IKZF1: variants seen among roughly 807,000 people sequenced by gnomAD.
IKZF1 encodes the protein DNA-binding protein Ikaros.
A neutral mutation model predicts 51.7 loss-of-function variants in IKZF1; 10 were observed. The ratio of observed to expected loss-of-function variants is 0.19; its 90% CI spans 0.12 to 0.33. The LOEUF is 0.33. Ranked by LOEUF, IKZF1 falls within the 10% of genes least tolerant of loss-of-function variation. The pLI, the probability that IKZF1 is intolerant of heterozygous loss-of-function variation, is 1.00. For synonymous variants in IKZF1, 280 were observed against 282.3 expected (o/e 0.99, Z 0.08); for missense variants, 484 against 707.5 (o/e 0.68, Z 3.58).
rs987162259 is a variant in IKZF1, at chr7:50,342,501, G to A, written c.160+14744G>A. On this transcript the variant is annotated intron_variant, in intron 3 of 7. Transcript: ENST00000331340. ...CAGAGAGCGCCCTTGAGGACAGGCT[G>A]TAAGTAAACTAAGCTGCAAAGACAG... Among the ~76,000 whole-genome samples the A allele has an allele frequency of 2.0e-5, 3 of 152,184 alleles. No homozygotes were observed. In the East Asian group the frequency reaches 5.8e-4, roughly 29 times the overall value.
At chr7:50,319,160 G>T in intron 2 of IKZF1, 59 bp downstream of exon 2, 1 of 1,447,666 alleles carries the variant, frequency 6.9e-7, no homozygotes. Context: ...CCTGGGGCCG[G>T]AAGTCACAGT....
intron 3 of IKZF1, among the ~76,000 whole-genome samples, chr7:50,336,377 T>G (rs1038740648): frequency 0.023 from 3,506 of 152,186 alleles, 56 homozygotes; most frequent in Non-Finnish European, 0.037. Context: ...GGCTGTCCCC[T>G]TCTTTAGGAA....
In IKZF1 at chr7:50,304,755, G is replaced by A. The variant is rs1788355660; in HGVS notation, c.-182G>A. 6.6e-6 allele frequency: 1 copy of A among 152,034 alleles called. No individual in the cohort carries two copies. Among genetic ancestry groups the A allele is most frequent in the African/African-American group, 2.4e-5 (1 of 41,412 alleles). 9.4% of individuals were successfully genotyped at this position (152,034 alleles called of 1,614,324 possible). A position where few individuals can be genotyped will look rare whatever the true frequency, so the allele number is the denominator to read the frequency against. On this transcript the variant is annotated 5_prime_UTR_variant, in exon 1 of 8. Transcript: ENST00000331340. ...CTGCGCGGCCCGCGCCCGGGGCGGT[G>A]ACTGCGGCAAGCCCCCTGGGTCCCC...
chr7:50,333,113 G>T (rs1796783820), intron 3 of IKZF1, among the ~76,000 whole-genome samples: 1 of 151,598 alleles, frequency 6.6e-6, no homozygotes, highest in African/African-American at 2.4e-5. Flanking sequence ...AAGAAATCTA[G>T]GTATTTTCCC....
intron 3 of IKZF1, among the ~76,000 whole-genome samples, chr7:50,370,848 G>A (rs552334101): frequency 6.6e-6 from 1 of 152,210 alleles, no homozygotes; most frequent in South Asian, 2.1e-4. Flanking sequence ...GGGGTGGGGG[G>A]TTACAAAATA....
intron 1 of IKZF1, among the ~76,000 whole-genome samples, chr7:50,311,212 G>C (rs1381846963): frequency 6.6e-6 from 1 of 152,152 alleles, no homozygotes; most frequent in Non-Finnish European, 1.5e-5. Context: ...ATCCTCTCTG[G>C]AGGAAAGACT....
intron 3 of IKZF1, among the ~76,000 whole-genome samples, chr7:50,335,014 T>C (rs1319702177): frequency 6.6e-6 from 1 of 151,312 alleles, no homozygotes; most frequent in African/African-American, 2.4e-5. Context: ...GTGGTGTATA[T>C]GTGTGTATTG....
chr7:50,371,628 A>G (rs1584853942), intron 3 of IKZF1, among the ~76,000 whole-genome samples: 1 of 152,206 alleles, frequency 6.6e-6, no homozygotes, highest in East Asian at 1.9e-4. Flanking sequence ...CCCCTCTCTC[A>G]GAAGAACCAC....
At chr7:50,348,961 C>T (rs1373068714) in intron 3 of IKZF1, among the ~76,000 whole-genome samples, 1 of 152,164 alleles carries the variant, frequency 6.6e-6, no homozygotes, top group Non-Finnish European at 1.5e-5. Flanking sequence ...GTCCAGTCTC[C>T]AGCATGGCCT....
At chr7:50,344,691 AC>A (rs1454680069) in intron 3 of IKZF1, among the ~76,000 whole-genome samples, 1 of 152,228 alleles carries the variant, frequency 6.6e-6, no homozygotes, top group African/African-American at 2.4e-5. Context: ...CTTCACGATC[AC>A]ATAACACAAT....
At chr7:50,335,531 T>C (rs2153404871) in intron 3 of IKZF1, among the ~76,000 whole-genome samples, 1 of 144,376 alleles carries the variant, frequency 6.9e-6, no homozygotes, top group Non-Finnish European at 1.5e-5. Flanking sequence ...GTGTGGTGCA[T>C]AGTGTGTATG....
At chr7:50,317,515 C>T (rs1294034071) in intron 1 of IKZF1, among the ~76,000 whole-genome samples, 1 of 152,148 alleles carries the variant, frequency 6.6e-6, no homozygotes, top group Non-Finnish European at 1.5e-5. Context: ...ATGCTTGCAT[C>T]TGGGCTAGTG....
chr7:50,325,046 C>T (rs1021978426), intron 2 of IKZF1, among the ~76,000 whole-genome samples: 5 of 152,098 alleles, frequency 3.3e-5, no homozygotes, highest in South Asian at 2.1e-4. Context: ...ACACCCCACA[C>T]GCCCTGTACA....
At chr7:50,366,399 T>G (rs1458796013) in intron 3 of IKZF1, among the ~76,000 whole-genome samples, 1 of 152,204 alleles carries the variant, frequency 6.6e-6, no homozygotes, top group African/African-American at 2.4e-5. Context: ...AAGGCTACAT[T>G]TTCTACTGGT....
intron 6 of IKZF1, among the ~76,000 whole-genome samples, chr7:50,388,048 G>T (rs1479781051): frequency 6.6e-6 from 1 of 152,104 alleles, no homozygotes; most frequent in Admixed American, 6.5e-5. Context: ...TAGGAGCTGT[G>T]ATGCTCCACT....
At chr7:50,354,067 G>A (rs1227412281) in intron 3 of IKZF1, among the ~76,000 whole-genome samples, 1 of 152,186 alleles carries the variant, frequency 6.6e-6, no homozygotes, top group Non-Finnish European at 1.5e-5. Context: ...GTTCATCTGT[G>A]ACTCAGGATT....
rs61731356 is a variant in IKZF1, at chr7:50,400,243, C to T, written c.1176C>T (p.Asn392=). 79,381 of 1,609,054 alleles carry T rather than the reference C, an allele frequency of 0.049. 2,328 individuals carry two copies. The highest frequency in any genetic ancestry group is 0.15 in the East Asian group (6,504 of 44,666). The change falls in exon 8 of 8, where the codon AAC becomes AAT. Residue 392 remains asparagine (N), a synonymous_variant. Transcript: ENST00000331340. The surrounding 1 kb of genome is among the most constrained non-coding windows in gnomAD (Gnocchi z 5.4). Reference sequence around the variant, plus strand: ...CGGAGCGCGAGGCGTCCCCGAGCAACAGCTGCCAAGACTCCACGGACACCG... The same window carrying T: ...CGGAGCGCGAGGCGTCCCCGAGCAATAGCTGCCAAGACTCCACGGACACCG... ...VPSEREASPS[N]SCQDSTDTES...
At chr7:50,351,036 G>A (rs1024549397) in intron 3 of IKZF1, among the ~76,000 whole-genome samples, 2 of 152,242 alleles carry the variant, frequency 1.3e-5, no homozygotes, top group Admixed American at 6.5e-5. Flanking sequence ...GTTTAATTCA[G>A]TTCGTGTGTT....
At chr7:50,390,748 G>A (rs6954833) in intron 6 of IKZF1, among the ~76,000 whole-genome samples, 114,734 of 152,178 alleles carry the variant, frequency 0.75, 43,502 homozygotes, top group Admixed American at 0.82. Flanking sequence ...CAACTTTTTA[G>A]AAGAAGAATA....
Sources: allele counts gnomAD v4.1 joint callset (sites outside exome capture counted in the v4.1 genomes callset), GRCh38; gene constraint gnomAD v4.1.1; non-coding constraint Gnocchi (gnomAD v3.1); transcripts MANE v1.5; gene names NCBI Gene and HGNC (gene_info 2026-07-23, HGNC 2026-07-21).